PTPRE: variants seen among roughly 807,000 people sequenced by gnomAD.
The protein encoded by PTPRE is receptor-type tyrosine-protein phosphatase epsilon.
In PTPRE, 51 loss-of-function variants were observed where a neutral mutation model predicts 102.0. The ratio of observed to expected loss-of-function variants is 0.50; its 90% CI spans 0.40 to 0.63. The LOEUF is 0.63. Ranked by LOEUF, PTPRE falls within the 30% of genes least tolerant of loss-of-function variation. The pLI is 0.00. For synonymous variants in PTPRE, 345 were observed against 348.2 expected (o/e 0.99, Z 0.10); for missense variants, 752 against 915.1 (o/e 0.82, Z 2.30).
chr10:128,077,616 GC>G lies in PTPRE; in HGVS notation c.1729del (p.Gln577ArgfsTer10), dbSNP rs2136068363. On this transcript the variant is annotated frameshift_variant and splice_region_variant, in exon 19 of 21. Coordinates refer to ENST00000254667, the MANE Select transcript of PTPRE (RefSeq NM_006504.6). LOFTEE classifies it high-confidence loss of function. ...GCTGAGACCCCCTCTCCTCCCTGCA[GC>G]CCCAGGCCCGCCAGGAGGAGCAGGT... is the stretch of plus-strand genomic sequence containing the variant. Reference protein sequence around the residue: ...IRDFLVTLNQPQARQEEQVRV... With the variant: ...IRDFLVTLNQXQARQEEQVRV... The G allele has an allele frequency of 6.2e-7, 1 of 1,603,542 alleles. No individual in the cohort carries two copies. Among genetic ancestry groups the G allele is most frequent in the Non-Finnish European group, 8.5e-7 (1 of 1,172,412 alleles).
At chr10:127,934,859 C>T (rs1329733863) in intron 1 of PTPRE, 1 of 152,274 alleles carries the variant, frequency 6.6e-6, no homozygotes, top group Non-Finnish European at 1.5e-5. Flanking sequence ...GCCACGGCCT[C>T]AGGAGGTGGG....
chr10:127,938,609 C>G (rs1340475060), intron 1 of PTPRE, among the ~76,000 whole-genome samples: 1 of 152,112 alleles, frequency 6.6e-6, no homozygotes, highest in Non-Finnish European at 1.5e-5. Context: ...TTTGTATTTT[C>G]TTCAATTCAA....
intron 16 of PTPRE, 125 bp from the exon 17 acceptor site, chr10:128,073,212 G>A: frequency 2.2e-6 from 3 of 1,343,108 alleles, no homozygotes; most frequent in Non-Finnish European, 3.1e-6. Context: ...CTGGGGTCTG[G>A]TGCAGACCAT....
At chr10:127,971,759 A>G (rs568227806) in intron 1 of PTPRE, among the ~76,000 whole-genome samples, 1 of 152,286 alleles carries the variant, frequency 6.6e-6, no homozygotes, top group South Asian at 2.1e-4. Flanking sequence ...TTAACTCTCC[A>G]TTGGCTACAG....
chr10:127,933,509 T>G (rs1342639362), intron 1 of PTPRE, among the ~76,000 whole-genome samples: 1 of 152,206 alleles, frequency 6.6e-6, no homozygotes, highest in Admixed American at 6.5e-5. Flanking sequence ...AATGAGGAAC[T>G]GTTTACACCA....
rs111366296 is a variant in PTPRE at position 127,927,242 on chromosome 10, A to G, written c.-31+19933A>G. Among the ~76,000 whole-genome samples, 915 of 152,296 alleles carry G rather than the reference A, an allele frequency of 6.0e-3. 2 individuals are homozygous for G. Among genetic ancestry groups the G allele is most frequent in the Non-Finnish European group, 8.9e-3 (603 of 68,028 alleles). On this transcript the variant is annotated intron_variant, in intron 1 of 20. Transcript: ENST00000254667. ...CCATTAGGGAGATAGCATGTTGAAC[A>G]GTAGCGTATTTCTCCATATGTCTAA...
chr10:127,924,380 C>T (rs953873402), intron 1 of PTPRE, among the ~76,000 whole-genome samples: 7 of 152,150 alleles, frequency 4.6e-5, no homozygotes, highest in East Asian at 1.9e-4. Flanking sequence ...CGCCCACCAC[C>T]GTGCCTGGCT....
chr10:127,921,166 C>T (rs1252148853), intron 1 of PTPRE, among the ~76,000 whole-genome samples: 1 of 152,226 alleles, frequency 6.6e-6, no homozygotes, highest in Non-Finnish European at 1.5e-5. Context: ...CCAGCGATCA[C>T]TGGTGTTGAG....
intron 2 of PTPRE, among the ~76,000 whole-genome samples, chr10:127,986,946 GT>G (rs920789137): frequency 6.6e-5 from 10 of 152,176 alleles, no homozygotes; most frequent in Admixed American, 1.3e-4. Flanking sequence ...TTATACTGGG[GT>G]TTTTTATGAG....
At chr10:128,058,603 A>G (rs899587560) in intron 7 of PTPRE, among the ~76,000 whole-genome samples, 7 of 152,222 alleles carry the variant, frequency 4.6e-5, no homozygotes, top group African/African-American at 1.7e-4. Flanking sequence ...GGCATTAGCC[A>G]TCAGGAAGAC....
chr10:128,056,673 C>T (rs1848992779), intron 7 of PTPRE, among the ~76,000 whole-genome samples: 1 of 152,156 alleles, frequency 6.6e-6, no homozygotes, highest in Non-Finnish European at 1.5e-5. Flanking sequence ...TAATAGAATA[C>T]GAAATTTGTA....
At chr10:128,005,159 G>A (rs1267045615) in intron 2 of PTPRE, among the ~76,000 whole-genome samples, 7 of 152,200 alleles carry the variant, frequency 4.6e-5, no homozygotes, top group African/African-American at 1.4e-4. Context: ...TAAATCATTT[G>A]AAAATACGTT....
intron 5 of PTPRE, among the ~76,000 whole-genome samples, chr10:128,048,298 C>T (rs1463312193): frequency 6.6e-6 from 1 of 152,172 alleles, no homozygotes; most frequent in Non-Finnish European, 1.5e-5. Flanking sequence ...ACTTTTCCAT[C>T]CGAAGTACAG....
At chr10:128,017,983 G>A (rs911443726) in intron 2 of PTPRE, among the ~76,000 whole-genome samples, 8 of 152,246 alleles carry the variant, frequency 5.3e-5, no homozygotes. Flanking sequence ...TAAAGTACCC[G>A]GCAGGAGCCC....
rs2136024507 is a variant in PTPRE at position 128,070,518 on chromosome 10, C to T, written c.1293+68C>T. On this transcript the variant is annotated intron_variant, in intron 14 of 20. Coordinates refer to ENST00000254667, the MANE Select transcript of PTPRE (RefSeq NM_006504.6). This position sits in a 1 kb window ranked among gnomAD's most constrained non-coding sequence, Gnocchi z 4.8. ...CAAGGGCACGAGGAAAACAGGTGAC[C>T]ATTTAAAGGAAGCCTCTTTCAATCA... 1 of 1,547,444 alleles carries T rather than the reference C, an allele frequency of 6.5e-7. No individual in the cohort carries two copies. Among genetic ancestry groups the T allele is most frequent in the Middle Eastern group, 1.7e-4 (1 of 5,760 alleles).
At chr10:128,054,833 C>A (rs955470030) in intron 6 of PTPRE, among the ~76,000 whole-genome samples, 12 of 152,092 alleles carry the variant, frequency 7.9e-5, no homozygotes, top group Non-Finnish European at 8.8e-5. Flanking sequence ...CGGCTTGGAT[C>A]CAAAGCTACG....
chr10:127,983,438 G>A (rs1851804300), intron 2 of PTPRE, among the ~76,000 whole-genome samples: 1 of 152,136 alleles, frequency 6.6e-6, no homozygotes, highest in Non-Finnish European at 1.5e-5. Flanking sequence ...CAAAGAGAAG[G>A]ATCGTTACTG....
At chr10:127,926,882 G>A (rs1465414436) in intron 1 of PTPRE, among the ~76,000 whole-genome samples, 2 of 140,174 alleles carry the variant, frequency 1.4e-5, no homozygotes, top group Non-Finnish European at 3.0e-5. Flanking sequence ...TGTGATCTCA[G>A]CTCACTGTAA....
In PTPRE at chr10:128,023,760, A is replaced by C. The variant is rs1197553162; in HGVS notation, c.-7-17115A>C. 4.6e-5 allele frequency among the ~76,000 whole-genome samples: 7 copies of C among 152,326 alleles called. No individual in the cohort carries two copies. The East Asian group carries it at 1.2e-3, about 25-fold the overall frequency. ...ACAAGACTGCAAAAGTATTGAGGGC[A>C]GTGTCCTTGGTGTCTGTGAATTGTA... On this transcript the variant is annotated intron_variant, in intron 2 of 20. Transcript: ENST00000254667.
Sources: gnomAD v4.1 joint callset for allele counts (sites outside exome capture counted in the v4.1 genomes callset) on GRCh38, gnomAD v4.1.1 for gene constraint, Gnocchi (gnomAD v3.1) non-coding constraint, MANE v1.5 for transcripts, NCBI Gene and HGNC (gene_info 2026-07-23, HGNC 2026-07-21) for gene names.